The following PPM1E variants were observed in gnomAD, a reference collection of about 807,000 sequenced individuals.
PPM1E encodes the protein protein phosphatase 1E.
Under a neutral mutation model 65.9 loss-of-function variants are expected in PPM1E, and 20 were observed. The ratio of observed to expected loss-of-function variants is 0.30; its 90% CI spans 0.21 to 0.44. PPM1E has a LOEUF of 0.44. Among genes scored for constraint, PPM1E ranks in the 20% least tolerant of loss-of-function variants. The pLI, the probability that PPM1E is intolerant of heterozygous loss-of-function variation, is 1.00. For synonymous variants in PPM1E, 352 were observed against 374.9 expected, an observed-to-expected ratio of 0.94 and a Z score of 0.70; for missense variants, 713 against 953.1, an observed-to-expected ratio of 0.75 and a Z score of 3.32.
chr17:58,905,995 C>A (rs1435068982), intron 1 of PPM1E, among the ~76,000 whole-genome samples: 1 of 152,102 alleles, frequency 6.6e-6, no homozygotes, highest in East Asian at 1.9e-4. Context: ...GATTCAATTT[C>A]TGTAATCAAT....
At chr17:58,870,363 G>C (rs1034261441) in intron 1 of PPM1E, among the ~76,000 whole-genome samples, 1 of 152,126 alleles carries the variant, frequency 6.6e-6, no homozygotes, top group Non-Finnish European at 1.5e-5. Context: ...TTTGGATTCA[G>C]GGGGTACCTG....
At chr17:58,919,433 CAAT>C (rs2051724342) in intron 1 of PPM1E, among the ~76,000 whole-genome samples, 2 of 152,140 alleles carry the variant, frequency 1.3e-5, no homozygotes, top group Non-Finnish European at 1.5e-5. Flanking sequence ...AGATAAGTGT[CAAT>C]GACATAACTA....
intron 6 of PPM1E, among the ~76,000 whole-genome samples, chr17:58,975,502 A>G (rs1372170413): frequency 6.6e-6 from 1 of 152,146 alleles, no homozygotes; most frequent in East Asian, 1.9e-4. Context: ...ACAATCTAAG[A>G]GTGGATAAGG....
rs749615588 is a variant in PPM1E at position 58,981,016 on chromosome 17, C to T, written c.2253C>T (p.Ser751=). 1 of 1,589,346 alleles carries T rather than the reference C, an allele frequency of 6.3e-7. No individual in the cohort carries two copies. Among genetic ancestry groups the T allele is most frequent in the South Asian group, 1.2e-5 (1 of 86,508 alleles). The change falls in exon 7 of 7, where the codon AGC becomes AGT. Residue 751 remains serine, a synonymous_variant. Transcript: ENST00000308249. ...TTCCATGCCCAGATCTTCCTTGGAG[C>T]TATAAAATAGAATAATTTTTCTTTC... ...HDIPCPDLPW[S]YKIE
chr17:58,861,329 C>T (rs1213137020), intron 1 of PPM1E, among the ~76,000 whole-genome samples: 1 of 152,190 alleles, frequency 6.6e-6, no homozygotes, highest in Non-Finnish European at 1.5e-5. Flanking sequence ...TGGGAACTTG[C>T]AAAGGATGAC....
chr17:58,852,593 CTTTTTTTGTT>C (rs907446722), intron 1 of PPM1E, among the ~76,000 whole-genome samples: 6 of 145,532 alleles, frequency 4.1e-5, no homozygotes, highest in East Asian at 2.0e-4. Flanking sequence ...TATGTATCTT[CTTTTTTTGTT>C]TTTTTTTGTT....
intron 1 of PPM1E, among the ~76,000 whole-genome samples, chr17:58,761,584 A>G (rs571448039): frequency 2.4e-4 from 36 of 152,266 alleles, no homozygotes; most frequent in African/African-American, 8.2e-4. Context: ...CTTTGCACAT[A>G]GTATATTTTT....
At chr17:58,966,324 G>C (rs2030238242) in intron 3 of PPM1E, 3 of 359,648 alleles carry the variant, frequency 8.3e-6, no homozygotes, top group South Asian at 6.5e-5. Flanking sequence ...AGACCAGCCT[G>C]GGTGACAGAC....
intron 1 of PPM1E, among the ~76,000 whole-genome samples, chr17:58,845,010 ATATAG>A (rs953324220): frequency 2.0e-5 from 3 of 152,302 alleles, no homozygotes; most frequent in Non-Finnish European, 2.9e-5. Flanking sequence ...TATATATTGC[ATATAG>A]TATTGCAGTC....
At chr17:58,840,626 A>T (rs2050708973) in intron 1 of PPM1E, among the ~76,000 whole-genome samples, 1 of 152,164 alleles carries the variant, frequency 6.6e-6, no homozygotes, top group Non-Finnish European at 1.5e-5. Flanking sequence ...GAAAGTAAGA[A>T]AGTGCTAAAG....
intron 1 of PPM1E, among the ~76,000 whole-genome samples, chr17:58,769,111 G>C (rs2049910949): frequency 6.6e-6 from 1 of 151,946 alleles, no homozygotes; most frequent in African/African-American, 2.4e-5. Context: ...TTACTAAGAT[G>C]CCTGGAGATA....
intron 1 of PPM1E, among the ~76,000 whole-genome samples, chr17:58,892,336 G>T (rs2051358119): frequency 6.6e-6 from 1 of 152,150 alleles, no homozygotes. Context: ...CAATTTGGGA[G>T]GCTGAAGCAG....
At chr17:58,806,768 C>T (rs1294797781) in intron 1 of PPM1E, among the ~76,000 whole-genome samples, 4 of 147,832 alleles carry the variant, frequency 2.7e-5, no homozygotes, top group African/African-American at 7.4e-5. Context: ...GGCGCCATCT[C>T]GGCTCACTGC....
At chr17:58,761,861 A>G (rs567572946) in intron 1 of PPM1E, among the ~76,000 whole-genome samples, 75 of 152,334 alleles carry the variant, frequency 4.9e-4, no homozygotes, top group African/African-American at 9.9e-4. Context: ...TCCAAAGTCA[A>G]TTGCACCTAA....
intron 1 of PPM1E, among the ~76,000 whole-genome samples, chr17:58,894,075 A>T (rs1234602201): frequency 6.6e-6 from 1 of 152,092 alleles, no homozygotes; most frequent in Non-Finnish European, 1.5e-5. Context: ...CCTGTCTCAA[A>T]AAAAACAAAC....
chr17:58,805,055 T>C (rs930900362), intron 1 of PPM1E, among the ~76,000 whole-genome samples: 3 of 152,136 alleles, frequency 2.0e-5, no homozygotes, highest in Non-Finnish European at 2.9e-5. Flanking sequence ...CAGCCTCTGG[T>C]ATCTATCATC....
chr17:58,824,698 C>T (rs1251299259), intron 1 of PPM1E, among the ~76,000 whole-genome samples: 1 of 151,510 alleles, frequency 6.6e-6, no homozygotes, highest in African/African-American at 2.4e-5. Context: ...ACACCATTCT[C>T]TGGCCTCAGG....
At position 58,894,423 on chromosome 17, in the gene PPM1E, A is replaced by G. The variant is rs918851906; in HGVS notation, c.465-61226A>G. On this transcript the variant is annotated intron_variant, in intron 1 of 6. Transcript: ENST00000308249. ...GGATTTAAAGCATTTTTTTTCTGCA[A>G]GTGAATGATAGTAAAACATGCCATG... is the stretch of plus-strand genomic sequence containing the variant. 3.3e-5 allele frequency among the ~76,000 whole-genome samples: 5 copies of G among 152,170 alleles called. No homozygotes were observed. In the South Asian group the frequency reaches 8.3e-4, roughly 25 times the overall value.
At chr17:58,864,861 G>A (rs943917827) in intron 1 of PPM1E, among the ~76,000 whole-genome samples, 39 of 151,902 alleles carry the variant, frequency 2.6e-4, no homozygotes, top group African/African-American at 8.4e-4. Context: ...GCTTGAACTC[G>A]GGAGGCGGAG....
Sources: allele counts gnomAD v4.1 joint callset (sites outside exome capture counted in the v4.1 genomes callset), GRCh38; gene constraint gnomAD v4.1.1; transcripts MANE v1.5; gene names NCBI Gene and HGNC (gene_info 2026-07-23, HGNC 2026-07-21).